Variants in FBXL5 observed in about 807,000 individuals in gnomAD.
The protein encoded by FBXL5 is F-box and leucine rich repeat protein 5.
In FBXL5, 26 loss-of-function variants were observed where a neutral mutation model predicts 78.3. That is an observed-to-expected ratio of 0.33 (90% confidence interval 0.24 to 0.46). The LOEUF (loss-of-function observed/expected upper bound fraction) is 0.46. FBXL5 is among the 20% of genes least tolerant of loss of function. The pLI is 1.00. For missense variants in FBXL5, 710 were observed against 829.2 expected, an observed-to-expected ratio of 0.86 and a Z score of 1.77; for synonymous variants, 295 against 282.5, an observed-to-expected ratio of 1.04 and a Z score of -0.45.
chr4:15,623,552 A>G (rs1180175221), intron 9 of FBXL5, among the ~76,000 whole-genome samples: 1 of 152,210 alleles, frequency 6.6e-6, no homozygotes, highest in Non-Finnish European at 1.5e-5. Flanking sequence ...AAATTGAACT[A>G]AAAATTGCTT....
At chr4:15,649,255 G>A (rs781427249) in intron 1 of FBXL5, among the ~76,000 whole-genome samples, 7 of 151,972 alleles carry the variant, frequency 4.6e-5, no homozygotes, top group South Asian at 2.1e-4. Context: ...TTTTTAACCC[G>A]GTACCTAAAG....
At chr4:15,652,598 T>C (rs1577485720) in intron 1 of FBXL5, among the ~76,000 whole-genome samples, 1 of 152,220 alleles carries the variant, frequency 6.6e-6, no homozygotes, top group East Asian at 1.9e-4. Context: ...GAAAATTTAT[T>C]TTCTCATCCT....
At chr4:15,656,257 A>C (rs1213089421), upstream of FBXL5, 1 of 456,070 alleles carries the variant, frequency 2.2e-6, no homozygotes, top group Admixed American at 2.3e-5. Flanking sequence ...CTTTCCCATA[A>C]ATCGCCTGGC....
chr4:15,638,260 T>A (rs547462906), intron 4 of FBXL5, among the ~76,000 whole-genome samples: 44 of 152,340 alleles, frequency 2.9e-4, no homozygotes, highest in African/African-American at 1.0e-3. Context: ...TTCATTCATA[T>A]ATAAATTTAT....
chr4:15,639,835 T>C (rs957959526), intron 3 of FBXL5, among the ~76,000 whole-genome samples: 16 of 152,298 alleles, frequency 1.1e-4, no homozygotes, highest in African/African-American at 3.6e-4. Flanking sequence ...TAAATATCAA[T>C]TTGATTATAA....
chr4:15,622,422 C>T (rs886711619), intron 9 of FBXL5, among the ~76,000 whole-genome samples: 1 of 152,112 alleles, frequency 6.6e-6, no homozygotes, highest in Non-Finnish European at 1.5e-5. Context: ...TTTCTATTTC[C>T]TCAGTCTCTC....
chr4:15,653,213 A>G (rs764101636), intron 1 of FBXL5, among the ~76,000 whole-genome samples: 9 of 152,204 alleles, frequency 5.9e-5, no homozygotes, highest in Non-Finnish European at 1.3e-4. Context: ...TTAATTCAGA[A>G]TTAGTAATAA....
At chr4:15,675,404 C>T (rs1452666875) in intron 1 of FBXL5, among the ~76,000 whole-genome samples, 2 of 152,014 alleles carry the variant, frequency 1.3e-5, no homozygotes, top group Non-Finnish European at 2.9e-5. Flanking sequence ...GATTTTCTTG[C>T]ATTGTTCCTA....
chr4:15,604,850 A>G lies in FBXL5; in HGVS notation c.*873T>C, dbSNP rs1721779037. The G allele has an allele frequency of 6.6e-6, 1 of 152,214 alleles. No homozygotes were observed. The highest frequency in any genetic ancestry group is 2.1e-4 in the South Asian group (1 of 4,820). 9.4% of individuals were successfully genotyped at this position (152,214 alleles called of 1,614,324 possible). On this transcript the variant is annotated 3_prime_UTR_variant, in exon 11 of 11. Transcript: ENST00000341285. ...TTTGACTACTGAATAACTCATTTCAAAAAGAAAATTCAGCTCAATAAAATT... is the reference window on the plus strand; with the variant it reads ...TTTGACTACTGAATAACTCATTTCAGAAAGAAAATTCAGCTCAATAAAATT...
intron 1 of FBXL5, among the ~76,000 whole-genome samples, chr4:15,676,674 A>G (rs1407799306): frequency 1.3e-5 from 2 of 151,348 alleles, no homozygotes; most frequent in Non-Finnish European, 2.9e-5. Context: ...GAGTGTGTGT[A>G]TATGTGAATG....
chr4:15,630,266 C>T (rs1713487975), intron 6 of FBXL5, among the ~76,000 whole-genome samples: 1 of 152,160 alleles, frequency 6.6e-6, no homozygotes, highest in African/African-American at 2.4e-5. Context: ...AGACTATCTA[C>T]AAACGAGTAA....
At chr4:15,631,529 C>T (rs1308893672) in intron 5 of FBXL5, among the ~76,000 whole-genome samples, 1 of 152,196 alleles carries the variant, frequency 6.6e-6, no homozygotes, top group East Asian at 1.9e-4. Context: ...TTTACACTCC[C>T]ACCAACAGTG....
chr4:15,630,554 CCA>C, intron 6 of FBXL5, 110 bp downstream of exon 6: 5 of 966,516 alleles, frequency 5.2e-6, no homozygotes, highest in Non-Finnish European at 7.1e-6. Flanking sequence ...CTTAGAAACA[CCA>C]GTTTCTTTAG....
chr4:15,607,258 T>C (rs1721953558), intron 10 of FBXL5, among the ~76,000 whole-genome samples: 1 of 152,186 alleles, frequency 6.6e-6, no homozygotes, highest in South Asian at 2.1e-4. Flanking sequence ...TGAGGATTCG[T>C]TGTATTATTC....
intron 9 of FBXL5, among the ~76,000 whole-genome samples, chr4:15,620,101 A>AAG (rs772910735): frequency 1.7e-4 from 26 of 152,114 alleles, no homozygotes; most frequent in Non-Finnish European, 2.5e-4. Context: ...CAGAAAGATA[A>AAG]AGAGTCGACA....
At chr4:15,631,722 A>G (rs1169394977) in intron 5 of FBXL5, among the ~76,000 whole-genome samples, 1 of 152,108 alleles carries the variant, frequency 6.6e-6, no homozygotes, top group East Asian at 1.9e-4. Flanking sequence ...TCTTCCTTTG[A>G]GAACTGTCTG....
At chr4:15,650,467 C>T (rs1266027034) in intron 1 of FBXL5, among the ~76,000 whole-genome samples, 1 of 152,172 alleles carries the variant, frequency 6.6e-6, no homozygotes, top group South Asian at 2.1e-4. Context: ...TGACCTACTA[C>T]TAATAGGTCA....
intron 9 of FBXL5, among the ~76,000 whole-genome samples, chr4:15,618,012 G>A (rs1483237412): frequency 1.3e-5 from 2 of 152,006 alleles, no homozygotes; most frequent in African/African-American, 4.8e-5. Flanking sequence ...AAGGAAACAT[G>A]GACTAAATCC....
intron 10 of FBXL5, among the ~76,000 whole-genome samples, chr4:15,607,528 C>T (rs1721971382): frequency 6.6e-6 from 1 of 152,046 alleles, no homozygotes; most frequent in Non-Finnish European, 1.5e-5. Flanking sequence ...ATTAAAAATG[C>T]CCTGAGAAGC....
Sources: allele counts gnomAD v4.1 joint callset (sites outside exome capture counted in the v4.1 genomes callset), GRCh38; gene constraint gnomAD v4.1.1; transcripts MANE v1.5; gene names NCBI Gene and HGNC (gene_info 2026-07-23, HGNC 2026-07-21).